Variants in SNX30 observed in about 807,000 individuals in gnomAD.
SNX30 encodes sorting nexin family member 30.
Under a neutral mutation model 46.4 loss-of-function variants are expected in SNX30, and 24 were observed. The observed-to-expected ratio is 0.52, with a 90% confidence interval of 0.37 to 0.73. SNX30 has a LOEUF of 0.73. Ranked by LOEUF, SNX30 falls within the 30% of genes least tolerant of loss-of-function variation. The pLI, the probability that SNX30 is intolerant of heterozygous loss-of-function variation, is 0.00. For synonymous variants in SNX30, 189 were observed against 211.5 expected, an observed-to-expected ratio of 0.89 and a Z score of 0.92; for missense variants, 533 against 555.7, an observed-to-expected ratio of 0.96 and a Z score of 0.41.
chr9:112,759,830 C>G (rs1409358315), intron 1 of SNX30, among the ~76,000 whole-genome samples: 2 of 152,084 alleles, frequency 1.3e-5, no homozygotes, highest in African/African-American at 4.8e-5. Flanking sequence ...TTTAACGTCT[C>G]TGAGCCTCAG....
intron 1 of SNX30, among the ~76,000 whole-genome samples, chr9:112,766,363 T>C (rs963682381): frequency 5.3e-5 from 8 of 152,160 alleles, no homozygotes; most frequent in African/African-American, 9.6e-5. Flanking sequence ...CTTTTTTTTT[T>C]CCCAAAGAAA....
chr9:112,847,016 C>T (rs1272161807), intron 6 of SNX30, among the ~76,000 whole-genome samples: 1 of 152,168 alleles, frequency 6.6e-6, no homozygotes, highest in Non-Finnish European at 1.5e-5. Context: ...ATGTTGAAAG[C>T]CAAACCACAG....
chr9:112,874,240 C>A lies in SNX30; in HGVS notation c.*5397C>A, dbSNP rs141532772. On this transcript the variant is annotated 3_prime_UTR_variant, in exon 9 of 9. Coordinates refer to ENST00000374232, the MANE Select transcript of SNX30 (RefSeq NM_001012994.2). The stretch of plus-strand genomic sequence containing the variant: ...CGGCCTTTATCCAATAACAAACCAG[C>A]ATCTCTTAAAGGCGCTTTTGGCCTA... 1 of 152,330 alleles carries A rather than the reference C, an allele frequency of 6.6e-6. No individual in the cohort carries two copies. The highest frequency in any genetic ancestry group is 2.4e-5 in the African/African-American group (1 of 41,574). The allele number at this position is 152,330 out of a possible 1,614,324, so 9.4% of individuals were successfully genotyped here.
At chr9:112,797,537 A>G (rs1011759499) in intron 1 of SNX30, among the ~76,000 whole-genome samples, 1 of 152,066 alleles carries the variant, frequency 6.6e-6, no homozygotes, top group Non-Finnish European at 1.5e-5. Context: ...AAGATTTTGT[A>G]AAATCATACT....
chr9:112,787,409 G>A (rs2796024), intron 1 of SNX30, among the ~76,000 whole-genome samples: 122,248 of 152,040 alleles, frequency 0.8, 49,162 homozygotes, highest in South Asian at 0.87. Context: ...TTTGGATTGA[G>A]GATTTAAGGA....
rs1186647321 is a variant in SNX30, at chr9:112,874,719, C to G, written c.*5876C>G. 1 of 151,690 alleles carries G rather than the reference C, an allele frequency of 6.6e-6. No individual in the cohort carries two copies. The highest frequency in any genetic ancestry group is 1.5e-5 in the Non-Finnish European group (1 of 67,930). The allele number at this position is 151,690 out of a possible 1,614,324, so 9.4% of individuals were successfully genotyped here. ...ACCAAACTTTAAAAAGAATGTCACC[C>G]TTTTTTTTGTTTGTTATGGAAACCA... On this transcript the variant is annotated 3_prime_UTR_variant, in exon 9 of 9. Transcript: ENST00000374232.
intron 3 of SNX30, among the ~76,000 whole-genome samples, chr9:112,824,940 G>T (rs1367459980): frequency 6.6e-6 from 1 of 152,062 alleles, no homozygotes; most frequent in African/African-American, 2.4e-5. Flanking sequence ...ATTTAATCCA[G>T]AACATTTTCA....
intron 1 of SNX30, among the ~76,000 whole-genome samples, chr9:112,791,040 TA>T: frequency 6.6e-6 from 1 of 152,226 alleles, no homozygotes; most frequent in East Asian, 1.9e-4. Flanking sequence ...CTACATTTTT[TA>T]TTGTTTTATT....
intron 6 of SNX30, among the ~76,000 whole-genome samples, chr9:112,843,245 C>T (rs1022917044): frequency 2.6e-5 from 4 of 152,078 alleles, no homozygotes; most frequent in East Asian, 1.9e-4. Context: ...GGTAAATTTG[C>T]GACACTTACA....
At chr9:112,755,744 G>A (rs1839338234) in intron 1 of SNX30, among the ~76,000 whole-genome samples, 1 of 151,972 alleles carries the variant, frequency 6.6e-6, no homozygotes, top group African/African-American at 2.4e-5. Context: ...GCTGGAGCAA[G>A]GTATTCCAGT....
At chr9:112,785,820 G>A (rs544175293) in intron 1 of SNX30, among the ~76,000 whole-genome samples, 21 of 152,126 alleles carry the variant, frequency 1.4e-4, no homozygotes, top group African/African-American at 4.1e-4. Flanking sequence ...TGCCAGCCTA[G>A]GAATGTAATT....
intron 1 of SNX30, among the ~76,000 whole-genome samples, chr9:112,756,778 G>A (rs1158561792): frequency 6.6e-6 from 1 of 152,122 alleles, no homozygotes; most frequent in Admixed American, 6.5e-5. Context: ...CTTTTTAACA[G>A]TTCATCTGCT....
intron 1 of SNX30, among the ~76,000 whole-genome samples, chr9:112,790,871 C>T (rs908571517): frequency 6.6e-6 from 1 of 152,196 alleles, no homozygotes; most frequent in African/African-American, 2.4e-5. Context: ...GCCATGAACT[C>T]ATGTGGCAGA....
chr9:112,755,075 G>T (rs1029233874), intron 1 of SNX30, among the ~76,000 whole-genome samples: 1 of 152,186 alleles, frequency 6.6e-6, no homozygotes, highest in Non-Finnish European at 1.5e-5. Context: ...TATGAGCCAG[G>T]CACTGTTCTA....
At chr9:112,794,797 T>C (rs181970699) in intron 1 of SNX30, among the ~76,000 whole-genome samples, 93 of 152,322 alleles carry the variant, frequency 6.1e-4, no homozygotes, top group African/African-American at 2.2e-3. Context: ...CTGACCATAA[T>C]GGTGTATCTT....
chr9:112,843,585 C>T lies in SNX30; in HGVS notation c.1014+4888C>T, dbSNP rs371025203. Among the ~76,000 whole-genome samples, 33 of 142,480 alleles carry T rather than the reference C, an allele frequency of 2.3e-4. No homozygotes were observed. The East Asian group carries it at 3.5e-3, about 15-fold the overall frequency. 93.5% of individuals were successfully genotyped at this position (142,480 alleles called of 152,430 possible). On this transcript the variant is annotated intron_variant, in intron 6 of 8. Transcript: ENST00000374232. ...GGTGAGCAAAGGAGTAAGTGGTAAG[C>T]GGTGAGGTCAAAGAGAGGTAGGAGC...
chr9:112,819,144 TC>T (rs1482859083), intron 3 of SNX30, among the ~76,000 whole-genome samples: 3 of 152,146 alleles, frequency 2.0e-5, no homozygotes, highest in African/African-American at 7.2e-5. Flanking sequence ...AAGCCTCACA[TC>T]CGGTATTAAC....
downstream of SNX30, chr9:112,875,149 T>C (rs1313092135): frequency 6.6e-6 from 1 of 152,152 alleles, no homozygotes; most frequent in Non-Finnish European, 1.5e-5. Flanking sequence ...CTATTTTTAT[T>C]CTTCTTCACT....
Position 112,871,491 on chromosome 9 carries a change from G to A in SNX30, c.*2648G>A, listed in dbSNP as rs916574981. 6.6e-6 allele frequency: 1 copy of A among 152,074 alleles called. No individual in the cohort carries two copies. The highest frequency in any genetic ancestry group is 1.5e-5 in the Non-Finnish European group (1 of 68,016). The allele number at this position is 152,074 out of a possible 1,614,324, so 9.4% of individuals were successfully genotyped here. On this transcript the variant is annotated 3_prime_UTR_variant, in exon 9 of 9. Transcript: ENST00000374232. ...CTGTGCCAAAGACTGCCTTGTAGAG[G>A]TCTCATCACCTCACACTTCTTGACT...
Sources: gnomAD v4.1 joint callset for allele counts (sites outside exome capture counted in the v4.1 genomes callset) on GRCh38, gnomAD v4.1.1 for gene constraint, MANE v1.5 for transcripts, NCBI Gene and HGNC (gene_info 2026-07-23, HGNC 2026-07-21) for gene names.